Variants in SYNJ2 observed in about 807,000 individuals in gnomAD.
The protein encoded by SYNJ2 is polyphosphatidylinositol phosphatase SYNJ2.
Under a neutral mutation model 141.3 loss-of-function variants are expected in SYNJ2, and 116 were observed. That is an observed-to-expected ratio of 0.82 (90% CI 0.71 to 0.96). The LOEUF is 0.96. Among genes scored for constraint, SYNJ2 ranks in the 40% least tolerant of loss-of-function variants. SYNJ2 has a pLI of 0.00. For missense variants in SYNJ2, 1,873 were observed against 1,934.8 expected, an observed-to-expected ratio of 0.97 and a Z score of 0.60; for synonymous variants, 745 against 777.7, an observed-to-expected ratio of 0.96 and a Z score of 0.70.
chr6:158,014,832 C>T (rs1266005783), intron 1 of SYNJ2, among the ~76,000 whole-genome samples: 2 of 152,248 alleles, frequency 1.3e-5, no homozygotes, highest in African/African-American at 4.8e-5. Flanking sequence ...AGCGAGGCAG[C>T]TCTAGGGCTG....
In SYNJ2 at chr6:158,055,004, A is replaced by G. The variant is rs778236741; in HGVS notation, c.833A>G (p.Glu278Gly). 3.1e-6 allele frequency: 5 copies of G among 1,613,928 alleles called. No individual in the cohort carries two copies. Among genetic ancestry groups the G allele is most frequent in the African/African-American group, 2.7e-5 (2 of 74,944 alleles). The change falls in exon 6 of 27, where the codon GAA becomes GGA. Residue 278 changes from glutamate (E) to glycine (G), a missense_variant. Physicochemically the swap from Glu to Gly is moderately conservative, Grantham distance 98. Transcript: ENST00000355585. ...SHHLRLHRGL[E>G]ANAPAFDRHM... The stretch of plus-strand genomic sequence containing the variant: ...CATCTGAGACTCCACAGAGGCCTGG[A>G]AGCCAATGCCCCTGCTTTCGACAGG...
chr6:158,074,116 T>G (rs2146153), intron 15 of SYNJ2, among the ~76,000 whole-genome samples: 107,818 of 151,668 alleles, frequency 0.71, 38,582 homozygotes, highest in East Asian at 0.88. Flanking sequence ...AAGGAGGAGC[T>G]AGAGAGAGAT....
At chr6:158,083,916 G>A in intron 21 of SYNJ2, 85 bp from the exon 22 acceptor site, 2 of 1,490,216 alleles carry the variant, frequency 1.3e-6, no homozygotes, top group Admixed American at 3.3e-5. Context: ...GTCCTGACAG[G>A]AGCTGAACCA....
In SYNJ2 at chr6:158,096,090, C is replaced by T; in HGVS notation, c.4217C>T (p.Pro1406Leu). 1 of 1,614,258 alleles carries T rather than the reference C, an allele frequency of 6.2e-7. No individual in the cohort carries two copies. Among genetic ancestry groups the T allele is most frequent in the East Asian group, 2.2e-5 (1 of 44,890 alleles). Residue 1406 changes from proline (P) to leucine (L), a missense_variant, in exon 27 of 27, where the codon CCA becomes CTA. Transcript: ENST00000355585. ...GTKAMKPEAA[P>L]LLGDYQDPFW... ...AAAGCGATGAAGCCAGAGGCAGCCC[C>T]ACTTCTTGGTGATTATCAGGACCCC...
chr6:158,050,507 A>G (rs1780509753), intron 5 of SYNJ2, among the ~76,000 whole-genome samples: 1 of 152,220 alleles, frequency 6.6e-6, no homozygotes, highest in Non-Finnish European at 1.5e-5. Context: ...TAGCCACTGC[A>G]GGGGATATTG....
chr6:158,042,472 C>A (rs1217941109), intron 4 of SYNJ2, among the ~76,000 whole-genome samples: 2 of 152,262 alleles, frequency 1.3e-5, no homozygotes, highest in African/African-American at 4.8e-5. Flanking sequence ...CAGCAGCGCC[C>A]AGGCCGCCCT....
chr6:158,067,314 T>G lies in SYNJ2; in HGVS notation c.1717+679T>G, dbSNP rs188034351. On this transcript the variant is annotated intron_variant, in intron 12 of 26. Transcript: ENST00000355585. ...GATTACAGGCATGCGCCACCGCGCC[T>G]GGCCCTGCCTTCAGTGTTGATATTG... 2,554 of 590,162 alleles carry G rather than the reference T, an allele frequency of 4.3e-3. 10 individuals carry two copies. Among genetic ancestry groups the G allele is most frequent in the Non-Finnish European group, 5.0e-3 (2,341 of 468,954 alleles). The allele number at this position is 590,162 out of a possible 1,614,324, so 36.6% of individuals were successfully genotyped here.
chr6:157,997,657 G>A (rs979172419), intron 1 of SYNJ2, among the ~76,000 whole-genome samples: 2 of 152,168 alleles, frequency 1.3e-5, no homozygotes, highest in African/African-American at 2.4e-5. Context: ...CAGCAACCCA[G>A]GCAACTAATA....
rs777473413 is a variant in SYNJ2, at chr6:158,068,734, G to A, written c.1799+6G>A. On this transcript the variant is annotated splice_donor_region_variant and intron_variant, in intron 13 of 26. Transcript: ENST00000355585. ...GGGAATATTGTCAATGCCAGGTAAG[G>A]GGCCAGGTGTGCGGGGCCAGGCAGG... 6.8e-6 allele frequency: 11 copies of A among 1,614,070 alleles called. No homozygotes were observed. Among genetic ancestry groups the A allele is most frequent in the Non-Finnish European group, 9.3e-6 (11 of 1,180,006 alleles).
At position 158,006,696 on chromosome 6, in the gene SYNJ2, G is replaced by A. The variant is rs553010417; in HGVS notation, c.128-10508G>A. Among the ~76,000 whole-genome samples, 7 of 152,246 alleles carry A rather than the reference G, an allele frequency of 4.6e-5. No homozygotes were observed. The East Asian group carries it at 1.4e-3, about 29-fold the overall frequency. On this transcript the variant is annotated intron_variant, in intron 1 of 26. Coordinates refer to ENST00000355585, the MANE Select transcript of SYNJ2 (RefSeq NM_003898.4). Reference sequence around the variant, plus strand: ...GCTAATTTTTGTTGTTGTTTGAGACGGAGTCTCACTCTGTCGCCCTGGCTG... The same window carrying A: ...GCTAATTTTTGTTGTTGTTTGAGACAGAGTCTCACTCTGTCGCCCTGGCTG...
intron 1 of SYNJ2, among the ~76,000 whole-genome samples, chr6:157,992,401 C>A (rs375997182): frequency 3.3e-5 from 4 of 120,396 alleles, no homozygotes; most frequent in South Asian, 2.8e-4. Flanking sequence ...TGGCTTGTTT[C>A]TTTTTTTTTT....
At chr6:158,002,210 G>A (rs1777889958) in intron 1 of SYNJ2, 1 of 152,334 alleles carries the variant, frequency 6.6e-6, no homozygotes, top group South Asian at 2.1e-4. Flanking sequence ...TGGGCATCTA[G>A]ACCCTTTGCT....
chr6:158,074,923 C>CTT (rs66487650), intron 16 of SYNJ2, among the ~76,000 whole-genome samples, 185 bp downstream of exon 16: 112 of 144,260 alleles, frequency 7.8e-4, no homozygotes, highest in Admixed American at 1.1e-3. Context: ...ACTTCCTGTC[C>CTT]TTTTTTTTTT....
At chr6:158,004,924 C>A (rs963666756) in intron 1 of SYNJ2, among the ~76,000 whole-genome samples, 8 of 151,966 alleles carry the variant, frequency 5.3e-5, no homozygotes, top group African/African-American at 1.7e-4. Flanking sequence ...TTCGGAGGAC[C>A]TTCGCCCCCT....
chr6:158,070,254 A>G lies in SYNJ2; in HGVS notation c.1940+581A>G. On this transcript the variant is annotated intron_variant, in intron 14 of 26. Transcript: ENST00000355585. The surrounding 1 kb of genome is among the most constrained non-coding windows in gnomAD (Gnocchi z 4.0). ...CTCATCTTACCACCTGGGCCTACCC[A>G]TGGCTTTTGAATTTCCACCAGCCTT... The G allele has an allele frequency of 1.0e-6, 1 of 985,476 alleles. No homozygotes were observed. Among genetic ancestry groups the G allele is most frequent in the Non-Finnish European group, 1.2e-6 (1 of 830,000 alleles). 61.0% of individuals were successfully genotyped at this position (985,476 alleles called of 1,614,324 possible).
intron 14 of SYNJ2, 133 bp downstream of exon 14, chr6:158,069,806 T>G: frequency 8.5e-7 from 1 of 1,177,168 alleles, no homozygotes; most frequent in East Asian, 2.6e-5. Flanking sequence ...TTTAGATAAA[T>G]GTAGCAAAAC....
chr6:158,032,119 C>T (rs1194476663), intron 3 of SYNJ2, among the ~76,000 whole-genome samples: 2 of 151,992 alleles, frequency 1.3e-5, no homozygotes, highest in Non-Finnish European at 2.9e-5. Flanking sequence ...TGGGGTCAGA[C>T]GCGGGCTGTG....
At chr6:157,991,800 A>G (rs10945973) in intron 1 of SYNJ2, among the ~76,000 whole-genome samples, 86,485 of 151,932 alleles carry the variant, frequency 0.57, 25,623 homozygotes, top group African/African-American at 0.74. Context: ...TGGGATGCTT[A>G]TGAATTAATG....
intron 5 of SYNJ2, among the ~76,000 whole-genome samples, chr6:158,053,780 C>A (rs1322778009): frequency 4.0e-5 from 6 of 149,238 alleles, no homozygotes; most frequent in Non-Finnish European, 8.9e-5. Flanking sequence ...CATCCACCCA[C>A]CCACTCACCC....
Sources: allele counts gnomAD v4.1 joint callset (sites outside exome capture counted in the v4.1 genomes callset), GRCh38; gene constraint gnomAD v4.1.1; non-coding constraint Gnocchi (gnomAD v3.1); transcripts MANE v1.5; gene names NCBI Gene and HGNC (gene_info 2026-07-23, HGNC 2026-07-21).